The following SPECC1 variants were observed in gnomAD, a reference collection of about 807,000 sequenced individuals.
The protein encoded by SPECC1 is sperm antigen with calponin homology and coiled-coil domains 1.
SPECC1 carries 62 observed loss-of-function variants against 104.1 expected under a neutral mutation model. That is an observed-to-expected ratio of 0.60 (90% CI 0.49 to 0.74). The LOEUF is 0.74. Ranked by LOEUF, SPECC1 falls within the 30% of genes least tolerant of loss-of-function variation. The pLI, the probability that SPECC1 is intolerant of heterozygous loss-of-function variation, is 0.00. For missense variants in SPECC1, 1,306 were observed against 1,310.5 expected (o/e 1.00, Z 0.05); for synonymous variants, 513 against 501.6 (o/e 1.02, Z -0.30).
intron 1 of SPECC1, among the ~76,000 whole-genome samples, chr17:20,033,139 T>A (rs1429298397): frequency 6.6e-6 from 1 of 152,016 alleles, no homozygotes; most frequent in Admixed American, 6.6e-5. Context: ...AATTTTTGTA[T>A]TTTTAGTAGA....
At chr17:20,107,986 A>G (rs1052450802) in intron 2 of SPECC1, among the ~76,000 whole-genome samples, 5 of 152,228 alleles carry the variant, frequency 3.3e-5, no homozygotes, top group African/African-American at 4.8e-5. Context: ...TGTGTAACAG[A>G]GCAAGACCTT....
chr17:20,247,601 T>C (rs2039472967), intron 9 of SPECC1, among the ~76,000 whole-genome samples: 1 of 152,236 alleles, frequency 6.6e-6, no homozygotes, highest in African/African-American at 2.4e-5. Context: ...TCAATAAATA[T>C]TAAATGAATG....
rs140558124 is a variant in SPECC1 at position 20,097,831 on chromosome 17, T to C, written c.147+1033T>C. On this transcript the variant is annotated intron_variant, in intron 2 of 14. Transcript: ENST00000395527. ...CAGTGCCTGCGGAATATGTGGAAAGTGTGTGGGTCGTGGAGCAGTTCTTTG... is the reference window on the plus strand; with the variant it reads ...CAGTGCCTGCGGAATATGTGGAAAGCGTGTGGGTCGTGGAGCAGTTCTTTG... Among the ~76,000 whole-genome samples the C allele has an allele frequency of 3.6e-4, 55 of 152,296 alleles. No homozygotes were observed. The East Asian group carries it at 9.8e-3, about 27-fold the overall frequency.
At chr17:20,041,919 C>A (rs984326736) in intron 1 of SPECC1, among the ~76,000 whole-genome samples, 1 of 152,144 alleles carries the variant, frequency 6.6e-6, no homozygotes, top group Non-Finnish European at 1.5e-5. Context: ...GCCACCGCGC[C>A]CAGCCTGTTG....
At chr17:20,228,450 A>G (rs16960735) in intron 5 of SPECC1, among the ~76,000 whole-genome samples, 37,865 of 152,048 alleles carry the variant, frequency 0.25, 5,926 homozygotes, top group African/African-American at 0.45. Flanking sequence ...ACATGTTAGG[A>G]TACTTTAGCT....
intron 1 of SPECC1, among the ~76,000 whole-genome samples, chr17:20,078,969 A>G (rs565723956): frequency 1.3e-5 from 2 of 152,316 alleles, no homozygotes; most frequent in African/African-American, 4.8e-5. Flanking sequence ...TTCCGGGCCC[A>G]CAGGCAAGAA....
chr17:20,227,433 C>T lies in SPECC1; in HGVS notation c.1884C>T (p.Tyr628=), dbSNP rs1295528547. The change falls in exon 5 of 15, where the codon TAC becomes TAT. Residue 628 remains tyrosine (Y), a synonymous_variant. Coordinates refer to ENST00000395527, the MANE Select transcript of SPECC1 (RefSeq NM_001243439.2). ...LLAKVEKDYS[Y]LKEICDHQAE... is the part of the protein sequence containing the mutation. The stretch of plus-strand genomic sequence containing the variant: ...TTTAGGTGGAAAAGGATTATTCATA[C>T]CTGAAGGAGATATGTGATCACCAAG... The T allele has an allele frequency of 6.2e-7, 1 of 1,611,900 alleles. No individual in the cohort carries two copies. Among genetic ancestry groups the T allele is most frequent in the East Asian group, 2.2e-5 (1 of 44,844 alleles).
chr17:20,159,921 G>A (rs2152575978), intron 3 of SPECC1, among the ~76,000 whole-genome samples: 1 of 152,264 alleles, frequency 6.6e-6, no homozygotes, highest in Admixed American at 6.5e-5. Flanking sequence ...GGGCCTGGCA[G>A]GGTTGTAGCA....
intron 3 of SPECC1, among the ~76,000 whole-genome samples, chr17:20,147,164 T>C (rs62066865): frequency 0.58 from 86,865 of 150,092 alleles, 25,786 homozygotes; most frequent in African/African-American, 0.65. Context: ...CTCCGCCTCC[T>C]GGGTTCAAGT....
chr17:20,203,841 A>G (rs947606403), intron 3 of SPECC1, among the ~76,000 whole-genome samples: 4 of 152,236 alleles, frequency 2.6e-5, no homozygotes, highest in Non-Finnish European at 5.9e-5. Context: ...CTGAAAGGCC[A>G]GCTATAGGCC....
At chr17:20,312,720 G>A (rs2041965796) in intron 14 of SPECC1, among the ~76,000 whole-genome samples, 1 of 152,208 alleles carries the variant, frequency 6.6e-6, no homozygotes, top group African/African-American at 2.4e-5. Context: ...TGTATTCTGT[G>A]AAAGTTTGTT....
At chr17:20,134,518 C>T (rs965335581) in intron 3 of SPECC1, among the ~76,000 whole-genome samples, 1 of 152,020 alleles carries the variant, frequency 6.6e-6, no homozygotes, top group African/African-American at 2.4e-5. Flanking sequence ...TATTATAAAG[C>T]CAATTAAATG....
intron 3 of SPECC1, among the ~76,000 whole-genome samples, chr17:20,146,103 G>T (rs1038304274): frequency 2.6e-5 from 4 of 152,098 alleles, no homozygotes; most frequent in African/African-American, 9.7e-5. Flanking sequence ...GTTTATGTTA[G>T]GGTTCACTTT....
chr17:20,301,246 G>C (rs749513026), intron 13 of SPECC1, among the ~76,000 whole-genome samples: 9 of 152,136 alleles, frequency 5.9e-5, no homozygotes, highest in East Asian at 3.9e-4. Flanking sequence ...AGAGCAGAGA[G>C]GGGAAAGAGC....
intron 3 of SPECC1, among the ~76,000 whole-genome samples, chr17:20,185,960 C>T (rs1197240876): frequency 6.6e-6 from 1 of 152,200 alleles, no homozygotes; most frequent in Non-Finnish European, 1.5e-5. Flanking sequence ...GCCTCAGCCT[C>T]CTGAGTAGCT....
rs192395957 is a variant in SPECC1 at position 20,190,596 on chromosome 17, A to G, written c.284-13737A>G. On this transcript the variant is annotated intron_variant, in intron 3 of 14. Coordinates refer to ENST00000395527, the MANE Select transcript of SPECC1 (RefSeq NM_001243439.2). ...AACACACTCAGCCTCCTCATTATCA[A>G]CATCTTCCAATCAGTGAACCCACAC... is the stretch of plus-strand genomic sequence containing the variant. 1.5e-3 allele frequency among the ~76,000 whole-genome samples: 222 copies of G among 152,324 alleles called. 1 individual carries two copies. Among genetic ancestry groups the G allele is most frequent in the African/African-American group, 5.2e-3 (217 of 41,572 alleles).
intron 1 of SPECC1, among the ~76,000 whole-genome samples, chr17:20,049,435 G>A (rs567992749): frequency 6.6e-6 from 1 of 152,232 alleles, no homozygotes; most frequent in South Asian, 2.1e-4. Context: ...ATAAGTAAAA[G>A]TCAGTCTGAG....
At chr17:20,232,527 T>A in intron 7 of SPECC1, 122 bp downstream of exon 7, 2 of 1,104,208 alleles carry the variant, frequency 1.8e-6, no homozygotes, top group Non-Finnish European at 2.5e-6. Flanking sequence ...GAGATCACCC[T>A]GAATTACTAG....
chr17:20,218,364 G>A (rs999888665), intron 4 of SPECC1, among the ~76,000 whole-genome samples: 2 of 151,948 alleles, frequency 1.3e-5, no homozygotes, highest in African/African-American at 2.4e-5. Flanking sequence ...ACTAGAATTG[G>A]GGTTTAAACC....
Sources: gnomAD v4.1 joint callset for allele counts (sites outside exome capture counted in the v4.1 genomes callset) on GRCh38, gnomAD v4.1.1 for gene constraint, MANE v1.5 for transcripts, NCBI Gene and HGNC (gene_info 2026-07-23, HGNC 2026-07-21) for gene names.